Variants in ATM observed in about 807,000 individuals in gnomAD.
ATM encodes the protein ATM serine/threonine kinase, also known as serine-protein kinase ATM.
ATM carries 308 observed loss-of-function variants against 387.0 expected under a neutral mutation model. The observed-to-expected ratio is 0.80, with a 90% confidence interval of 0.73 to 0.87. ATM has a LOEUF of 0.87. ATM is among the 40% of genes least tolerant of loss of function. The probability of loss-of-function intolerance (pLI) is 0.00; values close to 1 mark genes in which losing one functional copy is unlikely to be tolerated. For missense variants in ATM, 3,312 were observed against 3,560.9 expected (o/e 0.93, Z 1.78); for synonymous variants, 1,156 against 1,187.3 (o/e 0.97, Z 0.54).
intron 24 of ATM, among the ~76,000 whole-genome samples, 194 bp from the exon 25 acceptor site, chr11:108,282,516 A>C (rs1260895049): frequency 1.3e-5 from 2 of 152,164 alleles, no homozygotes; most frequent in African/African-American, 4.8e-5. Flanking sequence ...ACATTTATTA[A>C]GGGTTTGCTA....
At chr11:108,352,771 A>C (rs1458240614) in intron 59 of ATM, among the ~76,000 whole-genome samples, 2 of 152,258 alleles carry the variant, frequency 1.3e-5, no homozygotes, top group African/African-American at 4.8e-5. Flanking sequence ...ATTTGGATGA[A>C]TCTCCAGAGA....
rs1304655426 is a variant in ATM, at chr11:108,368,267, C to T, written c.*2759C>T. ...GGTTGCCATTGTATTCCAGCCTTGG[C>T]GACAGAGCAAGACTCTGCCTCAAAA... is the stretch of plus-strand genomic sequence containing the variant. On this transcript the variant is annotated 3_prime_UTR_variant, in exon 63 of 63. Coordinates refer to ENST00000675843, the MANE Select transcript of ATM (RefSeq NM_000051.4). 2.5e-5 allele frequency: 5 copies of T among 197,514 alleles called. No individual in the cohort carries two copies. The highest frequency in any genetic ancestry group is 2.0e-4 in the South Asian group (1 of 5,050). 12.2% of individuals were successfully genotyped at this position (197,514 alleles called of 1,614,324 possible).
chr11:108,224,040 A>G (rs2078618795), intron 1 of ATM: 1 of 152,256 alleles, frequency 6.6e-6, no homozygotes, highest in Admixed American at 6.5e-5. Context: ...GAGACTTTCG[A>G]AACAGTCATA....
In ATM at chr11:108,244,102, G is replaced by C. The variant is rs2235002; in HGVS notation, c.646G>C (p.Ala216Pro). ...CAAATTTTTGGACTTTTTTTCCAAGGCTATTCAGTGTGCGAGGTAATCTAA... is the reference window on the plus strand; with the variant it reads ...CAAATTTTTGGACTTTTTTTCCAAGCCTATTCAGTGTGCGAGGTAATCTAA... ...NSKFLDFFSK[A>P]IQCARQEKSS... The change falls in exon 6 of 63, where the codon GCT (alanine) becomes CCT (proline). Residue 216 changes from alanine to proline, a missense_variant. Physicochemically the swap from Ala to Pro is conservative, Grantham distance 27 (BLOSUM62 -1). This residue lies in a region of ATM where 1,791 missense variants were observed against 1,804.5 expected (regional missense o/e 0.99). Transcript: ENST00000675843. 1 of 1,613,440 alleles carries C rather than the reference G, an allele frequency of 6.2e-7. No individual in the cohort carries two copies. Among genetic ancestry groups the C allele is most frequent in the South Asian group, 1.1e-5 (1 of 91,066 alleles).
chr11:108,362,810 G>C (rs1280067732), intron 61 of ATM, among the ~76,000 whole-genome samples: 2 of 111,104 alleles, frequency 1.8e-5, no homozygotes, highest in Non-Finnish European at 3.5e-5. Context: ...GGGGTGGGGG[G>C]CGGGGGGAGG....
intron 13 of ATM, among the ~76,000 whole-genome samples, chr11:108,255,496 G>T (rs2080418869): frequency 6.8e-6 from 1 of 147,232 alleles, no homozygotes; most frequent in Non-Finnish European, 1.5e-5. Context: ...CCTGATCTCG[G>T]CTCATTGCAA....
At chr11:108,225,974 C>G (rs4987891) in intron 1 of ATM, 5 of 152,098 alleles carry the variant, frequency 3.3e-5, no homozygotes, top group Admixed American at 1.3e-4. Flanking sequence ...AGGAGAAGGA[C>G]TTTCCCTACC....
intron 35 of ATM, 34 bp downstream of exon 35, chr11:108,301,823 A>G (rs2135917068): frequency 6.2e-7 from 1 of 1,607,060 alleles, no homozygotes; most frequent in South Asian, 1.1e-5. Context: ...TTGAATACCC[A>G]GCATATCTAA....
chr11:108,320,189 G>T (rs2085101115), intron 44 of ATM, 131 bp downstream of exon 44: 3 of 711,754 alleles, frequency 4.2e-6, no homozygotes, highest in Non-Finnish European at 4.8e-6. Context: ...GCTGTGATCA[G>T]ATGTTTCCTT....
chr11:108,261,422 T>C (rs932658547), intron 16 of ATM, among the ~76,000 whole-genome samples: 2 of 152,218 alleles, frequency 1.3e-5, no homozygotes, highest in South Asian at 2.1e-4. Flanking sequence ...AGCTGAGGGT[T>C]TTGTCTGTTA....
intron 16 of ATM, 104 bp downstream of exon 16, chr11:108,259,179 C>T: frequency 1.0e-6 from 1 of 990,376 alleles, no homozygotes; most frequent in South Asian, 1.4e-5. Flanking sequence ...ACATATAGCT[C>T]TTAACATTTT....
chr11:108,286,592 T>C (rs1431933184), intron 26 of ATM, among the ~76,000 whole-genome samples: 1 of 152,110 alleles, frequency 6.6e-6, no homozygotes, highest in Non-Finnish European at 1.5e-5. Flanking sequence ...CAATCAGAGG[T>C]ACTTTCAATT....
chr11:108,365,663 C>A lies in ATM; in HGVS notation c.*155C>A. 1 of 923,706 alleles carries A rather than the reference C, an allele frequency of 1.1e-6. No individual in the cohort carries two copies. The highest frequency in any genetic ancestry group is 1.6e-6 in the Non-Finnish European group (1 of 623,694). 57.2% of individuals were successfully genotyped at this position (923,706 alleles called of 1,614,324 possible). A position where few individuals can be genotyped will look rare whatever the true frequency, so the allele number is the denominator to read the frequency against. On this transcript the variant is annotated 3_prime_UTR_variant, in exon 63 of 63. Transcript: ENST00000675843. ...TGGTTTTAATACTTGATTTAATCAC[C>A]ACTCAAAAATGTTTTGATGGTCTTA...
chr11:108,297,256 T>A, intron 32 of ATM, 31 bp from the exon 33 acceptor site: 2 of 1,573,378 alleles, frequency 1.3e-6, no homozygotes, highest in Non-Finnish European at 1.7e-6. Context: ...TTCATGCTAG[T>A]TTAAACTAAT....
In ATM at chr11:108,345,752, A is replaced by C. The variant is rs730881325; in HGVS notation, c.8428A>C (p.Lys2810Gln). Residue 2810 changes from lysine to glutamine, a missense_variant, in exon 58 of 63, where the codon AAA becomes CAA. Physicochemically the swap from Lys to Gln is moderately conservative, Grantham distance 53. This residue lies in a region of ATM where 1,405 missense variants were observed against 1,604.4 expected (regional missense o/e 0.88). Transcript: ENST00000675843. Reference protein sequence around the residue: ...QCQKKMMEVQKKSFEEKYEVF... With the variant: ...QCQKKMMEVQQKSFEEKYEVF... ...TATTCTCTATTTAAAGGAGGTGCAA[A>C]AAAAGTCTTTTGAAGAGAAATATGA... The C allele has an allele frequency of 3.1e-5, 50 of 1,610,722 alleles. No individual in the cohort carries two copies. Among genetic ancestry groups the C allele is most frequent in the Non-Finnish European group, 3.9e-5 (46 of 1,177,956 alleles).
intron 15 of ATM, 77 bp from the exon 16 acceptor site, chr11:108,258,909 A>G: frequency 8.5e-7 from 1 of 1,183,370 alleles, no homozygotes; most frequent in Non-Finnish European, 1.3e-6. Context: ...TCCATTCAAG[A>G]TAGAGAAAAC....
intron 4 of ATM, among the ~76,000 whole-genome samples, chr11:108,235,215 G>C (rs1273332093): frequency 6.6e-6 from 1 of 150,706 alleles, no homozygotes; most frequent in East Asian, 2.0e-4. Flanking sequence ...AGAATTACTT[G>C]AACCCAGGAG....
rs1057520452 is a variant in ATM at position 108,345,726 on chromosome 11, A to G, written c.8419-17A>G. ...ACACAATATTGAAAAATAATTATAT[A>G]TATTCTCTATTTAAAGGAGGTGCAA... On this transcript the variant is annotated splice_polypyrimidine_tract_variant and intron_variant, in intron 57 of 62. Transcript: ENST00000675843. 7 of 1,538,596 alleles carry G rather than the reference A, an allele frequency of 4.5e-6. No individual in the cohort carries two copies. In the East Asian group the frequency reaches 6.8e-5, roughly 15 times the overall value.
chr11:108,278,721 T>C (rs1052521839), intron 22 of ATM, among the ~76,000 whole-genome samples: 1 of 152,074 alleles, frequency 6.6e-6, no homozygotes. Context: ...AACCAGCCCT[T>C]GTGGGAACTG....
Sources: allele counts gnomAD v4.1 joint callset (sites outside exome capture counted in the v4.1 genomes callset), GRCh38; gene constraint gnomAD v4.1.1; regional missense constraint gnomAD v4.1.1; transcripts MANE v1.5; gene names NCBI Gene and HGNC (gene_info 2026-07-23, HGNC 2026-07-21).